Variants in STAB2 observed in about 807,000 individuals in gnomAD.
STAB2 encodes stabilin-2.
In STAB2, 288 loss-of-function variants were observed where a neutral mutation model predicts 338.1. The ratio of observed to expected loss-of-function variants is 0.85; its 90% CI spans 0.77 to 0.94. The LOEUF is 0.94. STAB2 is among the 40% of genes least tolerant of loss of function. The probability of loss-of-function intolerance (pLI) is 0.00; values close to 1 mark genes in which losing one functional copy is unlikely to be tolerated. For missense variants in STAB2, 3,141 were observed against 3,210.1 expected, an observed-to-expected ratio of 0.98 and a Z score of 0.52; for synonymous variants, 1,202 against 1,193.3, an observed-to-expected ratio of 1.01 and a Z score of -0.15.
chr12:103,636,186 A>G (rs369530874), intron 6 of STAB2, among the ~76,000 whole-genome samples: 9 of 146,264 alleles, frequency 6.2e-5, no homozygotes, highest in African/African-American at 1.0e-4. Flanking sequence ...TCCTAATGCT[A>G]TCCATCCCCC....
rs1874758405 is a variant in STAB2 at position 103,663,009 on chromosome 12, T to G, written c.2022+11T>G. The G allele has an allele frequency of 6.2e-7, 1 of 1,613,428 alleles. No homozygotes were observed. Among genetic ancestry groups the G allele is most frequent in the Non-Finnish European group, 8.5e-7 (1 of 1,179,806 alleles). On this transcript the variant is annotated intron_variant, in intron 18 of 68. Coordinates refer to ENST00000388887, the MANE Select transcript of STAB2 (RefSeq NM_017564.10). ...AGAGAGATGAAACTGGTAAGAAAAC[T>G]AGGAAAATAAGTAAGGGCCCCAAAC...
intron 3 of STAB2, among the ~76,000 whole-genome samples, chr12:103,597,239 C>G (rs531339422): frequency 6.6e-6 from 1 of 152,286 alleles, no homozygotes; most frequent in Non-Finnish European, 1.5e-5. Flanking sequence ...ACAAGCAAAA[C>G]CTTGACTATC....
chr12:103,686,771 G>T (rs1201839572), intron 27 of STAB2, among the ~76,000 whole-genome samples: 1 of 152,110 alleles, frequency 6.6e-6, no homozygotes, highest in African/African-American at 2.4e-5. Context: ...GGGATGGCAG[G>T]CCTGAGCCAC....
rs200802359 is a variant in STAB2, at chr12:103,730,146, A to G, written c.5113A>G (p.Ile1705Val). 1.1e-3 allele frequency: 1,755 copies of G among 1,612,308 alleles called. 29 individuals carry two copies. In the South Asian group the frequency reaches 0.018, roughly 17 times the overall value. The change falls in exon 49 of 69, where the codon ATC becomes GTC. Residue 1705 changes from isoleucine (I) to valine (V), a missense_variant. Coordinates refer to ENST00000388887, the MANE Select transcript of STAB2 (RefSeq NM_017564.10). ...GGTGTATATAAACAATAAGGCTAAG[A>G]TCATATCCAGTGATATCATCAGTAC... The part of the protein sequence containing the change: ...STVYINNKAK[I>V]ISSDIISTNG...
intron 6 of STAB2, among the ~76,000 whole-genome samples, chr12:103,634,039 G>A (rs1993919): frequency 0.9 from 136,671 of 152,294 alleles, 61,394 homozygotes; most frequent in South Asian, 0.92. Context: ...ATTTGTAGGA[G>A]GATAACAAGC....
At chr12:103,766,085 A>G (rs1884936480) in intron 68 of STAB2, 1 of 707,462 alleles carries the variant, frequency 1.4e-6, no homozygotes, top group Middle Eastern at 2.3e-4. Context: ...AGCTTCAAGC[A>G]GGAGAGACTA....
At chr12:103,713,097 C>T (rs1413359056) in intron 41 of STAB2, among the ~76,000 whole-genome samples, 2 of 152,300 alleles carry the variant, frequency 1.3e-5, no homozygotes, top group South Asian at 2.1e-4. Context: ...CTGCTCTTTG[C>T]ATTATTATTT....
chr12:103,674,459 C>G (rs1343879819), intron 23 of STAB2, among the ~76,000 whole-genome samples: 1 of 152,128 alleles, frequency 6.6e-6, no homozygotes, highest in Non-Finnish European at 1.5e-5. Context: ...CAAAGATGTT[C>G]CATTATGGAA....
chr12:103,610,875 C>A (rs1270582849), intron 3 of STAB2, among the ~76,000 whole-genome samples: 2 of 152,164 alleles, frequency 1.3e-5, no homozygotes, highest in Non-Finnish European at 2.9e-5. Flanking sequence ...CCCAGAGATT[C>A]TGGTATGTTG....
chr12:103,665,686 A>G (rs567253927), intron 18 of STAB2, among the ~76,000 whole-genome samples: 14 of 152,142 alleles, frequency 9.2e-5, no homozygotes, highest in Non-Finnish European at 5.9e-5. Flanking sequence ...GCCAACACCA[A>G]TCAGAAGCTG....
At chr12:103,610,488 ATAT>A (rs1957104799) in intron 3 of STAB2, among the ~76,000 whole-genome samples, 1 of 152,002 alleles carries the variant, frequency 6.6e-6, no homozygotes, top group South Asian at 2.1e-4. Context: ...GGTGTTTATA[ATAT>A]TATCTGATGG....
At chr12:103,707,029 A>G in intron 38 of STAB2, 42 bp downstream of exon 38, 1 of 1,601,916 alleles carries the variant, frequency 6.2e-7, no homozygotes, top group Non-Finnish European at 8.5e-7. Context: ...GGCTGCTGAA[A>G]CCAACCAGGA....
chr12:103,668,440 T>C, intron 19 of STAB2: 1 of 563,614 alleles, frequency 1.8e-6, no homozygotes. Context: ...AACTCTGGCC[T>C]GTATTCCACC....
intron 24 of STAB2, among the ~76,000 whole-genome samples, chr12:103,676,398 G>GT (rs1876377127): frequency 1.3e-5 from 2 of 152,176 alleles, no homozygotes; most frequent in African/African-American, 4.8e-5. Flanking sequence ...GATTGTTTGG[G>GT]TTTTTTTAGG....
chr12:103,676,029 C>CTGGTCT lies in STAB2; in HGVS notation c.2646+10_2646+15dup, dbSNP rs1566005475. 1 of 1,439,736 alleles carries CTGGTCT rather than the reference C, an allele frequency of 6.9e-7. No individual in the cohort carries two copies. The highest frequency in any genetic ancestry group is 1.2e-5 in the South Asian group (1 of 82,222). The allele number at this position is 1,439,736 out of a possible 1,614,324, so 89.2% of individuals were successfully genotyped here. On this transcript the variant is annotated intron_variant, in intron 24 of 68. Coordinates refer to ENST00000388887, the MANE Select transcript of STAB2 (RefSeq NM_017564.10). ...GGAGGCTGTAGCCGCAATGTGAGTACTGGTCTTCATTTCCACCCTGCCTGG... is the reference window on the plus strand; with the variant it reads ...GGAGGCTGTAGCCGCAATGTGAGTACTGGTCTTGGTCTTCATTTCCACCCTGCCTGG...
chr12:103,632,317 C>G (rs703621), intron 6 of STAB2, among the ~76,000 whole-genome samples: 147,370 of 152,344 alleles, frequency 0.97, 71,383 homozygotes, highest in African/African-American at 0.99. Context: ...AATGCAAACA[C>G]AACTCTAGAG....
chr12:103,687,139 T>G (rs1341304605), intron 27 of STAB2, among the ~76,000 whole-genome samples: 3 of 152,190 alleles, frequency 2.0e-5, no homozygotes, highest in Non-Finnish European at 4.4e-5. Context: ...ATTCAGTAGT[T>G]TAAAAAATAT....
chr12:103,719,707 T>C (rs900902875), intron 44 of STAB2, among the ~76,000 whole-genome samples: 7 of 152,256 alleles, frequency 4.6e-5, no homozygotes, highest in African/African-American at 1.4e-4. Context: ...TAATTACATC[T>C]GTAAAGACTC....
intron 15 of STAB2, among the ~76,000 whole-genome samples, chr12:103,657,014 T>TA (rs1048711582): frequency 3.3e-5 from 5 of 152,116 alleles, no homozygotes; most frequent in Non-Finnish European, 7.4e-5. Context: ...AACAAGGAGA[T>TA]AAATCAAAAG....
Sources: gnomAD v4.1 joint callset for allele counts (sites outside exome capture counted in the v4.1 genomes callset) on GRCh38, gnomAD v4.1.1 for gene constraint, MANE v1.5 for transcripts, NCBI Gene and HGNC (gene_info 2026-07-23, HGNC 2026-07-21) for gene names.